Variants in HNRNPD observed in about 807,000 individuals in gnomAD.
HNRNPD encodes the protein heterogeneous nuclear ribonucleoprotein D0.
In HNRNPD, 3 loss-of-function variants were observed where a neutral mutation model predicts 47.9. That is an observed-to-expected ratio of 0.06 (90% CI 0.03 to 0.16). The LOEUF (loss-of-function observed/expected upper bound fraction) is 0.16, where lower values mean the gene tolerates loss of function less well. HNRNPD is among the 10% of genes least tolerant of loss of function. HNRNPD has a pLI of 1.00. For synonymous variants in HNRNPD, 171 were observed against 165.1 expected, an observed-to-expected ratio of 1.04 and a Z score of -0.28; for missense variants, 287 against 454.2, an observed-to-expected ratio of 0.63 and a Z score of 3.35.
At chr4:82,357,587 C>G in intron 4 of HNRNPD, 143 bp from the exon 5 acceptor site, 2 of 625,412 alleles carry the variant, frequency 3.2e-6, no homozygotes, top group Non-Finnish European at 5.2e-6. Context: ...CCTATTTATT[C>G]TAATCCTTTT....
intron 7 of HNRNPD, 112 bp downstream of exon 7, chr4:82,356,425 T>G (rs552904975): frequency 1.2e-5 from 10 of 829,596 alleles, no homozygotes. Context: ...TTCCAGGAAT[T>G]TGAAACCTGA....
intron 2 of HNRNPD, among the ~76,000 whole-genome samples, chr4:82,367,267 T>C (rs1719813422): frequency 6.6e-6 from 1 of 152,166 alleles, no homozygotes; most frequent in African/African-American, 2.4e-5. Context: ...ATCAGCTTTG[T>C]AAGGTAAACT....
At chr4:82,372,772 C>T (rs1392140175) in intron 1 of HNRNPD, among the ~76,000 whole-genome samples, 1 of 152,166 alleles carries the variant, frequency 6.6e-6, no homozygotes, top group African/African-American at 2.4e-5. Context: ...AAACTCGGAG[C>T]ATTTCACCAG....
At position 82,354,000 on chromosome 4, in the gene HNRNPD, C is replaced by A. The variant is rs973703733; in HGVS notation, c.*185G>T. The A allele has an allele frequency of 1.3e-5, 2 of 152,628 alleles. No homozygotes were observed. The highest frequency in any genetic ancestry group is 3.8e-4 in the East Asian group (2 of 5,204). 9.5% of individuals were successfully genotyped at this position (152,628 alleles called of 1,614,324 possible). ...GAAATAAAACAATGAAAGCAAATTTCTTTTAATGAGAACTCAGAATTAAAC... is the reference window on the plus strand; with the variant it reads ...GAAATAAAACAATGAAAGCAAATTTATTTTAATGAGAACTCAGAATTAAAC... On this transcript the variant is annotated 3_prime_UTR_variant, in exon 9 of 9. Transcript: ENST00000313899.
rs1209501160 is a variant in HNRNPD, at chr4:82,373,541, C to A, written c.138G>T (p.Gly46=). The stretch of plus-strand genomic sequence containing the variant: ...CTCCAGACGCGGTTCCGCCCCCGGT[C>A]CCGGCTCCGCTTCCCGCCGCCGCCG... ...GAAAAAGSGA[G]TGGGTASGGT... is the part of the protein sequence containing the mutation. Residue 46 remains glycine (G), a synonymous_variant, in exon 1 of 9, where the codon GGG becomes GGT. Coordinates refer to ENST00000313899, the MANE Select transcript of HNRNPD (RefSeq NM_031370.3). 12 of 1,541,298 alleles carry A rather than the reference C, an allele frequency of 7.8e-6. No individual in the cohort carries two copies. Among genetic ancestry groups the A allele is most frequent in the Non-Finnish European group, 9.6e-6 (11 of 1,143,380 alleles).
At chr4:82,369,818 G>A (rs981925731) in intron 2 of HNRNPD, among the ~76,000 whole-genome samples, 7 of 152,280 alleles carry the variant, frequency 4.6e-5, no homozygotes, top group African/African-American at 1.7e-4. Flanking sequence ...CCTTAAAAAT[G>A]AGAACATTAT....
In HNRNPD at chr4:82,355,334, T is replaced by C; in HGVS notation, c.1068A>G (p.Ter356=). The change falls in exon 8 of 9, where the codon TAA becomes TAG. Residue 356 remains the stop codon, a stop_retained_variant. Transcript: ENST00000313899. ...GGHQNSYKPY[*] is the part of the protein sequence containing the mutation. ...GGGGATAAGTTGCAAATGGAATAATTTAGTATGGTTTGTAGCTATTTTGAT... is the reference window on the plus strand; with the variant it reads ...GGGGATAAGTTGCAAATGGAATAATCTAGTATGGTTTGTAGCTATTTTGAT... The C allele has an allele frequency of 6.2e-7, 1 of 1,611,058 alleles. No individual in the cohort carries two copies. Among genetic ancestry groups the C allele is most frequent in the Non-Finnish European group, 8.5e-7 (1 of 1,177,266 alleles).
rs943197667 is a variant in HNRNPD at position 82,373,507 on chromosome 4, C to G, written c.172G>C (p.Gly58Arg). ...GCCCCCTCCGACTCGGCGCTGCCCC[C>G]TTCGGTGCCTCCAGACGCGGTTCCG... ...GGGTASGGTE[G>R]GSAESEGAKI... Residue 58 changes from glycine to arginine, a missense_variant, in exon 1 of 9, where the codon GGG becomes CGG. This residue lies in a region of HNRNPD where 161 missense variants were observed against 137.1 expected (regional missense o/e 1.17). Coordinates refer to ENST00000313899, the MANE Select transcript of HNRNPD (RefSeq NM_031370.3). The G allele has an allele frequency of 3.9e-6, 6 of 1,548,626 alleles. No homozygotes were observed. In the Admixed American group the frequency reaches 1.2e-4, roughly 31 times the overall value.
chr4:82,357,409 G>C lies in HNRNPD; in HGVS notation c.657C>G (p.Thr219=), dbSNP rs1723761568. The C allele has an allele frequency of 1.9e-6, 3 of 1,612,726 alleles. No homozygotes were observed. The highest frequency in any genetic ancestry group is 2.5e-6 in the Non-Finnish European group (3 of 1,179,584). The change falls in exon 5 of 9, where the codon ACC becomes ACG. Residue 219 remains threonine, a synonymous_variant. Coordinates refer to ENST00000313899, the MANE Select transcript of HNRNPD (RefSeq NM_031370.3). ...ESIELPMDNK[T]NKRRGFCFIT... ...TAAAGCAGAACCCACGCCTCTTATT[G>C]GTCTTGTTGTCCATGGGGAGCTCTA... is the stretch of plus-strand genomic sequence containing the variant.
Position 82,373,571 on chromosome 4 carries a change from C to G in HNRNPD, c.108G>C (p.Gly36=). 1 of 1,539,970 alleles carries G rather than the reference C, an allele frequency of 6.5e-7. No individual in the cohort carries two copies. Among genetic ancestry groups the G allele is most frequent in the South Asian group, 1.2e-5 (1 of 83,568 alleles). ...CTCCGCTTCCCGCCGCCGCCGCTGC[C>G]CCCTGTGTCGCCGCCACCATGGCTC... ...QEGAMVAATQ[G]AAAAAGSGAG... The change falls in exon 1 of 9, where the codon GGG becomes GGC. Residue 36 remains glycine, a synonymous_variant. Transcript: ENST00000313899.
chr4:82,373,787 G>A lies in HNRNPD; in HGVS notation c.-109C>T. ...CTGCCGCGCGCCCGCTCTACCTCGC[G>A]AAGCACACAAGACAGGGAAGGCGCG... On this transcript the variant is annotated 5_prime_UTR_variant, in exon 1 of 9. Transcript: ENST00000313899. The A allele has an allele frequency of 5.9e-6, 9 of 1,523,870 alleles. No homozygotes were observed. The East Asian group carries it at 1.5e-4, about 26-fold the overall frequency. The allele number at this position is 1,523,870 out of a possible 1,614,324, so 94.4% of individuals were successfully genotyped here.
Position 82,353,038 on chromosome 4 carries a change from T to G in HNRNPD, c.*1147A>C, listed in dbSNP as rs895346254. On this transcript the variant is annotated 3_prime_UTR_variant, in exon 9 of 9. Coordinates refer to ENST00000313899, the MANE Select transcript of HNRNPD (RefSeq NM_031370.3). ...CAGGGTGGAACTCTTAACATTCACTTAAGTAATACCTACAAACGATTTTCC... is the reference window on the plus strand; with the variant it reads ...CAGGGTGGAACTCTTAACATTCACTGAAGTAATACCTACAAACGATTTTCC... The G allele has an allele frequency of 4.6e-5, 7 of 152,222 alleles. No individual in the cohort carries two copies. Among genetic ancestry groups the G allele is most frequent in the Non-Finnish European group, 7.3e-5 (5 of 68,044 alleles). The allele number at this position is 152,222 out of a possible 1,614,324, so 9.4% of individuals were successfully genotyped here.
In HNRNPD at chr4:82,373,855, C is replaced by A; in HGVS notation, c.-177G>T. 1 of 1,361,660 alleles carries A rather than the reference C, an allele frequency of 7.3e-7. No individual in the cohort carries two copies. Among genetic ancestry groups the A allele is most frequent in the Non-Finnish European group, 9.7e-7 (1 of 1,035,480 alleles). 84.3% of individuals were successfully genotyped at this position (1,361,660 alleles called of 1,614,324 possible). A position where few individuals can be genotyped will look rare whatever the true frequency, so the allele number is the denominator to read the frequency against. Reference sequence around the variant, plus strand: ...TCCTGCGCCTCTCCCTGGCCTGCCCCCTTCGCCTCCCACTCTCGCGCGGCG... The same window carrying A: ...TCCTGCGCCTCTCCCTGGCCTGCCCACTTCGCCTCCCACTCTCGCGCGGCG... On this transcript the variant is annotated 5_prime_UTR_variant, in exon 1 of 9. Transcript: ENST00000313899.
Position 82,354,167 on chromosome 4 carries a change from A to G in HNRNPD, c.*31-13T>C, listed in dbSNP as rs1384712625. Reference sequence around the variant, plus strand: ...ACTGCTTCACCACCTGGAGACAAAGAAGAAAAAATAGAAGTCACTCTGGGC... The same window carrying G: ...ACTGCTTCACCACCTGGAGACAAAGGAGAAAAAATAGAAGTCACTCTGGGC... On this transcript the variant is annotated splice_polypyrimidine_tract_variant and intron_variant, in intron 8 of 8. Coordinates refer to ENST00000313899, the MANE Select transcript of HNRNPD (RefSeq NM_031370.3). 10 of 152,508 alleles carry G rather than the reference A, an allele frequency of 6.6e-5. No homozygotes were observed. The highest frequency in any genetic ancestry group is 2.4e-4 in the African/African-American group (10 of 41,468). The allele number at this position is 152,508 out of a possible 1,614,324, so 9.4% of individuals were successfully genotyped here.
At chr4:82,364,120 G>A (rs551376905) in intron 2 of HNRNPD, among the ~76,000 whole-genome samples, 27 of 151,946 alleles carry the variant, frequency 1.8e-4, no homozygotes, top group African/African-American at 5.1e-4. Context: ...CGGACTACAG[G>A]CACCCACCAA....
intron 3 of HNRNPD, 120 bp from the exon 4 acceptor site, chr4:82,358,940 AG>A (rs1723845333): frequency 8.2e-6 from 6 of 732,758 alleles, no homozygotes; most frequent in Non-Finnish European, 1.3e-5. Flanking sequence ...GACTTGCTCA[AG>A]ATTAAACTGT....
At chr4:82,372,327 G>A (rs537496868) in intron 1 of HNRNPD, among the ~76,000 whole-genome samples, 1 of 152,200 alleles carries the variant, frequency 6.6e-6, no homozygotes, top group South Asian at 2.1e-4. Flanking sequence ...ACTAAATGCA[G>A]ATTTAGGTAG....
chr4:82,357,638 C>T (rs2109990052), intron 4 of HNRNPD, 194 bp from the exon 5 acceptor site: 1 of 428,020 alleles, frequency 2.3e-6, no homozygotes, highest in East Asian at 3.6e-5. Flanking sequence ...CATCTAAGGT[C>T]TTCACAACTA....
chr4:82,362,893 C>A (rs937692357), intron 2 of HNRNPD, among the ~76,000 whole-genome samples: 5 of 152,070 alleles, frequency 3.3e-5, no homozygotes, highest in Admixed American at 1.3e-4. Context: ...AGCTACCATA[C>A]CCAGCCCCAA....
Sources: gnomAD v4.1 joint callset for allele counts (sites outside exome capture counted in the v4.1 genomes callset) on GRCh38, gnomAD v4.1.1 for gene constraint, gnomAD v4.1.1 regional missense constraint, MANE v1.5 for transcripts, NCBI Gene and HGNC (gene_info 2026-07-23, HGNC 2026-07-21) for gene names.